Variants in NSD1 observed in about 807,000 individuals in gnomAD.
NSD1 encodes histone-lysine N-methyltransferase, H3 lysine-36 specific.
A neutral mutation model predicts 242.7 loss-of-function variants in NSD1; 26 were observed. The ratio of observed to expected loss-of-function variants is 0.11; its 90% CI spans 0.08 to 0.15. The LOEUF (loss-of-function observed/expected upper bound fraction) is 0.15. Ranked by LOEUF, NSD1 falls within the 10% of genes least tolerant of loss-of-function variation. NSD1 has a pLI of 1.00. For synonymous variants in NSD1, 1,106 were observed against 1,178.1 expected, an observed-to-expected ratio of 0.94 and a Z score of 1.25; for missense variants, 2,495 against 3,272.8, an observed-to-expected ratio of 0.76 and a Z score of 5.80.
intron 3 of NSD1, among the ~76,000 whole-genome samples, chr5:177,203,908 G>C (rs1762677192): frequency 6.6e-6 from 1 of 152,088 alleles, no homozygotes; most frequent in Non-Finnish European, 1.5e-5. Flanking sequence ...CTAGACTACT[G>C]ATTCTTTCAT....
chr5:177,204,374 G>C lies in NSD1; in HGVS notation c.1236+82G>C, dbSNP rs189352914. 178 of 1,325,980 alleles carry C rather than the reference G, an allele frequency of 1.3e-4. No homozygotes were observed. The East Asian group carries it at 4.1e-3, about 30-fold the overall frequency. 82.1% of individuals were successfully genotyped at this position (1,325,980 alleles called of 1,614,324 possible). A position where few individuals can be genotyped will look rare whatever the true frequency, so the allele number is the denominator to read the frequency against. ...AAAATGGCCTCTTATTTATTTTCGAGACAGAACTTTGCTCTGTTTCCCAGA... is the reference window on the plus strand; with the variant it reads ...AAAATGGCCTCTTATTTATTTTCGACACAGAACTTTGCTCTGTTTCCCAGA... On this transcript the variant is annotated intron_variant, in intron 4 of 22. Transcript: ENST00000439151.
intron 5 of NSD1, among the ~76,000 whole-genome samples, chr5:177,230,482 TACTCTATGAG>T (rs1307942974): frequency 6.6e-6 from 1 of 152,094 alleles, no homozygotes; most frequent in Admixed American, 6.6e-5. Flanking sequence ...TCTGAGAAGT[TACTCTATGAG>T]AGAAGCAAAC....
At chr5:177,248,077 T>A in intron 10 of NSD1, 104 bp from the exon 11 acceptor site, 1 of 1,560,300 alleles carries the variant, frequency 6.4e-7, no homozygotes, top group Non-Finnish European at 8.6e-7. Context: ...TGGCTGAACA[T>A]CTGTAAGTGC....
intron 16 of NSD1, among the ~76,000 whole-genome samples, 184 bp from the exon 17 acceptor site, chr5:177,273,488 C>T (rs1758110699): frequency 6.6e-6 from 1 of 152,064 alleles, no homozygotes; most frequent in South Asian, 2.1e-4. Context: ...TCTGAATACC[C>T]TTTGGACTAC....
chr5:177,187,138 TC>T (rs1761302014), intron 2 of NSD1, among the ~76,000 whole-genome samples: 1 of 128,068 alleles, frequency 7.8e-6, no homozygotes, highest in Non-Finnish European at 1.6e-5. Flanking sequence ...GGAATCTCAC[TC>T]CGTTGCCCAG....
At chr5:177,136,094 G>A in intron 2 of NSD1, 64 bp downstream of exon 2, 2 of 1,414,600 alleles carry the variant, frequency 1.4e-6, no homozygotes, top group South Asian at 1.2e-5. Context: ...CACTTAAAGG[G>A]AAACTTGTAA....
chr5:177,135,766 A>C lies in NSD1; in HGVS notation c.663A>C (p.Ala221=), dbSNP rs781721612. ...QDSTPESRHG[A]VKSPFLPLAP... ...GCACACCAGAGAGTAGACACGGTGCAGTCAAATCGCCATTCTTGCCATTAG... is the reference window on the plus strand; with the variant it reads ...GCACACCAGAGAGTAGACACGGTGCCGTCAAATCGCCATTCTTGCCATTAG... Residue 221 remains alanine (A), a synonymous_variant, in exon 2 of 23, where the codon GCA becomes GCC. Coordinates refer to ENST00000439151, the MANE Select transcript of NSD1 (RefSeq NM_022455.5). 9 of 1,613,398 alleles carry C rather than the reference A, an allele frequency of 5.6e-6. No individual in the cohort carries two copies. The highest frequency in any genetic ancestry group is 1.1e-5 in the South Asian group (1 of 91,066).
chr5:177,196,324 A>T (rs1397729966), intron 3 of NSD1, among the ~76,000 whole-genome samples: 1 of 152,230 alleles, frequency 6.6e-6, no homozygotes, highest in Non-Finnish European at 1.5e-5. Context: ...TTCATTTTAA[A>T]AGTTCACTGT....
In NSD1 at chr5:177,245,632, C is replaced by CTT. The variant is rs540362237; in HGVS notation, c.4379-1031_4379-1030dup. Among the ~76,000 whole-genome samples, 181 of 134,630 alleles carry CTT rather than the reference C, an allele frequency of 1.3e-3. 2 individuals carry two copies. The highest frequency in any genetic ancestry group is 0.012 in the South Asian group (51 of 4,170). 88.3% of individuals were successfully genotyped at this position (134,630 alleles called of 152,430 possible). ...CAGGAGGGACTAGAAGAATTTCTTT[C>CTT]TTTTTTTTTTTTTTTTGGTTTGAGA... On this transcript the variant is annotated intron_variant, in intron 9 of 22. Coordinates refer to ENST00000439151, the MANE Select transcript of NSD1 (RefSeq NM_022455.5).
chr5:177,151,498 C>G (rs1353424048), intron 2 of NSD1, among the ~76,000 whole-genome samples: 1 of 151,992 alleles, frequency 6.6e-6, no homozygotes, highest in African/African-American at 2.4e-5. Flanking sequence ...AAGCGATTCA[C>G]CTACCTCAGC....
chr5:177,263,053 C>T (rs1757116851), intron 14 of NSD1, among the ~76,000 whole-genome samples: 1 of 152,196 alleles, frequency 6.6e-6, no homozygotes, highest in African/African-American at 2.4e-5. Context: ...CTATCAGAAC[C>T]AATGACAATG....
At chr5:177,154,324 T>A (rs1444193017) in intron 2 of NSD1, among the ~76,000 whole-genome samples, 1 of 152,156 alleles carries the variant, frequency 6.6e-6, no homozygotes, top group Non-Finnish European at 1.5e-5. Flanking sequence ...ACCATCAGGC[T>A]GGGATAATTG....
chr5:177,269,251 C>A lies in NSD1; in HGVS notation c.5304-351C>A, dbSNP rs1362714894. Among the ~76,000 whole-genome samples, 1 of 152,054 alleles carries A rather than the reference C, an allele frequency of 6.6e-6. No individual in the cohort carries two copies. Among genetic ancestry groups the A allele is most frequent in the Non-Finnish European group, 1.5e-5 (1 of 68,006 alleles). ...GTACCATGGATAATACTATTATTTT[C>A]TTGATGTTGAGCATTTATACTTTTT... is the stretch of plus-strand genomic sequence containing the variant. On this transcript the variant is annotated intron_variant, in intron 15 of 22. Coordinates refer to ENST00000439151, the MANE Select transcript of NSD1 (RefSeq NM_022455.5). The surrounding 1 kb of genome is among the most constrained non-coding windows in gnomAD (Gnocchi z 5.1).
chr5:177,209,746 G>A lies in NSD1; in HGVS notation c.1347G>A (p.Leu449=). The change falls in exon 5 of 23, where the codon TTG becomes TTA. Residue 449 remains leucine (L), a synonymous_variant. Transcript: ENST00000439151. ...NRKCIPGSIK[L]DSEEDMPFED... The stretch of plus-strand genomic sequence containing the variant: ...AATGTATTCCTGGTTCAATCAAGTT[G>A]GACAGTGAAGAAGATATGCCATTTG... 6.2e-7 allele frequency: 1 copy of A among 1,614,022 alleles called. No homozygotes were observed. Among genetic ancestry groups the A allele is most frequent in the Non-Finnish European group, 8.5e-7 (1 of 1,179,990 alleles).
intron 2 of NSD1, among the ~76,000 whole-genome samples, chr5:177,188,871 G>A (rs918973572): frequency 6.6e-6 from 1 of 152,042 alleles, no homozygotes; most frequent in African/African-American, 2.4e-5. Context: ...AACAGCTTGG[G>A]CAACGTGGTT....
chr5:177,185,689 G>GT (rs1196478740), intron 2 of NSD1, among the ~76,000 whole-genome samples: 1 of 111,142 alleles, frequency 9.0e-6, no homozygotes, highest in Admixed American at 1.3e-4. Flanking sequence ...ATATATATTT[G>GT]TTTTTTATTA....
chr5:177,160,997 G>A (rs554500040), intron 2 of NSD1, among the ~76,000 whole-genome samples: 3 of 152,186 alleles, frequency 2.0e-5, no homozygotes, highest in African/African-American at 7.2e-5. Context: ...TCAACTTCTG[G>A]ACCTCAGGTG....
chr5:177,182,237 A>C (rs565333522), intron 2 of NSD1, among the ~76,000 whole-genome samples: 74 of 152,188 alleles, frequency 4.9e-4, no homozygotes, highest in African/African-American at 1.7e-3. Flanking sequence ...GGACCGCTGG[A>C]ACCCAGGAGG....
In NSD1 at chr5:177,134,478, TC is replaced by T. The variant is rs1277638022; in HGVS notation, c.-18+528del. 6.6e-6 allele frequency among the ~76,000 whole-genome samples: 1 copy of T among 152,102 alleles called. No homozygotes were observed. The highest frequency in any genetic ancestry group is 1.5e-5 in the Non-Finnish European group (1 of 68,002). The stretch of plus-strand genomic sequence containing the variant: ...CGCCTCGGTTTCTCCCTCTGCCGGG[TC>T]CAGGCCTCTTCGCCCTGCAGCTGCG... On this transcript the variant is annotated intron_variant, in intron 1 of 22. Transcript: ENST00000439151. This position sits in a 1 kb window ranked among gnomAD's most constrained non-coding sequence, Gnocchi z 4.2.
Sources: gnomAD v4.1 joint callset for allele counts (sites outside exome capture counted in the v4.1 genomes callset) on GRCh38, gnomAD v4.1.1 for gene constraint, Gnocchi (gnomAD v3.1) non-coding constraint, MANE v1.5 for transcripts, NCBI Gene and HGNC (gene_info 2026-07-23, HGNC 2026-07-21) for gene names.